The following KIF16B variants were observed in gnomAD, a reference collection of about 807,000 sequenced individuals.
The protein encoded by KIF16B is kinesin-like protein KIF16B.
In KIF16B, 98 loss-of-function variants were observed where a neutral mutation model predicts 156.3. The ratio of observed to expected loss-of-function variants is 0.63; its 90% CI spans 0.53 to 0.74. The LOEUF is 0.74. Among genes scored for constraint, KIF16B ranks in the 30% least tolerant of loss-of-function variants. The probability of loss-of-function intolerance (pLI) is 0.00; values close to 1 mark genes in which losing one functional copy is unlikely to be tolerated. For synonymous variants in KIF16B, 564 were observed against 583.7 expected, an observed-to-expected ratio of 0.97 and a Z score of 0.49; for missense variants, 1,421 against 1,606.5, an observed-to-expected ratio of 0.88 and a Z score of 1.97.
intron 25 of KIF16B, among the ~76,000 whole-genome samples, chr20:16,283,881 A>G (rs2063183924): frequency 6.6e-6 from 1 of 152,178 alleles, no homozygotes; most frequent in East Asian, 1.9e-4. Flanking sequence ...CTGTAATCAC[A>G]GGACTGGGGT....
At chr20:16,519,314 G>A (rs1012711019) in intron 3 of KIF16B, among the ~76,000 whole-genome samples, 2 of 152,022 alleles carry the variant, frequency 1.3e-5, no homozygotes, top group South Asian at 2.1e-4. Flanking sequence ...ACAGGGACTC[G>A]CTATATTGCC....
Position 16,273,194 on chromosome 20 carries a change from A to G in KIF16B, c.*59T>C, listed in dbSNP as rs1344338490. 2.7e-6 allele frequency: 4 copies of G among 1,467,166 alleles called. No individual in the cohort carries two copies. Among genetic ancestry groups the G allele is most frequent in the East Asian group, 4.5e-5 (2 of 44,012 alleles). The allele number at this position is 1,467,166 out of a possible 1,614,324, so 90.9% of individuals were successfully genotyped here. A position where few individuals can be genotyped will look rare whatever the true frequency, so the allele number is the denominator to read the frequency against. On this transcript the variant is annotated 3_prime_UTR_variant, in exon 26 of 26. Transcript: ENST00000354981. ...TCCTCGCATGGGGGAGCTGCCCTGC[A>G]TCGGAGCCCGCTTCGACGAGAAGGC...
chr20:16,404,801 C>T lies in KIF16B; in HGVS notation c.1784+12G>A, dbSNP rs751872674. 1.3e-6 allele frequency: 2 copies of T among 1,587,356 alleles called. No individual in the cohort carries two copies. The highest frequency in any genetic ancestry group is 1.1e-5 in the South Asian group (1 of 90,490). On this transcript the variant is annotated intron_variant, in intron 17 of 25. Coordinates refer to ENST00000354981, the MANE Select transcript of KIF16B (RefSeq NM_024704.5). ...GATCATCACAGGGAAGGAGATGCTG[C>T]TGTTCACTCACCCGGGGTTATACAA...
At chr20:16,381,898 C>A (rs1303945710) in intron 17 of KIF16B, 151 bp from the exon 18 acceptor site, 12 of 784,398 alleles carry the variant, frequency 1.5e-5, no homozygotes, top group Non-Finnish European at 2.4e-5. Flanking sequence ...AAAATGCATT[C>A]TTTGCTTTAG....
At chr20:16,351,423 A>G (rs1295976632) in intron 23 of KIF16B, among the ~76,000 whole-genome samples, 2 of 152,234 alleles carry the variant, frequency 1.3e-5, no homozygotes, top group Non-Finnish European at 2.9e-5. Flanking sequence ...GGCAAGCATA[A>G]TGCAGCGTAA....
intron 1 of KIF16B, among the ~76,000 whole-genome samples, chr20:16,570,914 T>C (rs191087054): frequency 6.6e-6 from 1 of 152,344 alleles, no homozygotes; most frequent in Admixed American, 6.5e-5. Flanking sequence ...TTGTGGTTTA[T>C]GTGCAAAAGA....
At chr20:16,306,795 T>C (rs1464820225) in intron 25 of KIF16B, among the ~76,000 whole-genome samples, 2 of 152,142 alleles carry the variant, frequency 1.3e-5, no homozygotes, top group Admixed American at 1.3e-4. Context: ...ATCTCTATCA[T>C]CACAGGACCA....
At chr20:16,287,360 A>C (rs1203015952) in intron 25 of KIF16B, among the ~76,000 whole-genome samples, 2 of 152,204 alleles carry the variant, frequency 1.3e-5, no homozygotes, top group African/African-American at 4.8e-5. Flanking sequence ...TAAGTTTTAA[A>C]GTAAATACTT....
chr20:16,419,635 T>G (rs916301252), intron 15 of KIF16B, among the ~76,000 whole-genome samples: 4 of 152,168 alleles, frequency 2.6e-5, no homozygotes, highest in African/African-American at 9.7e-5. Flanking sequence ...AAGAGATGAA[T>G]AGTCAATGGA....
chr20:16,362,114 T>C (rs952733172), intron 22 of KIF16B, among the ~76,000 whole-genome samples: 3 of 152,204 alleles, frequency 2.0e-5, no homozygotes, highest in Admixed American at 6.5e-5. Context: ...CAGGGAAAAG[T>C]GGATATTCTC....
In KIF16B at chr20:16,379,660, C is replaced by G; in HGVS notation, c.2342G>C (p.Arg781Pro). Reference sequence around the variant, plus strand: ...CTCTTCCACCCACTGTACCTCCCCACGCCGCAGGAGCTGGATCATCTCCTG... The same window carrying G: ...CTCTTCCACCCACTGTACCTCCCCAGGCCGCAGGAGCTGGATCATCTCCTG... ...EKQEMIQLLR[R>P]GEVQWVEEEK... The change falls in exon 19 of 26, where the codon CGT (arginine) becomes CCT (proline). Residue 781 changes from arginine to proline, a missense_variant. Physicochemically the swap from Arg to Pro is moderately radical, Grantham distance 103 (BLOSUM62 -2). Transcript: ENST00000354981. 6.2e-7 allele frequency: 1 copy of G among 1,614,172 alleles called. No homozygotes were observed. The highest frequency in any genetic ancestry group is 1.1e-5 in the South Asian group (1 of 91,078).
intron 1 of KIF16B, among the ~76,000 whole-genome samples, chr20:16,530,849 G>A (rs756939273): frequency 5.9e-5 from 9 of 151,876 alleles, no homozygotes; most frequent in African/African-American, 9.7e-5. Context: ...CTACAGGCAC[G>A]CACCACTGCA....
chr20:16,537,703 C>CTT (rs1568659703), intron 1 of KIF16B, among the ~76,000 whole-genome samples: 7 of 121,736 alleles, frequency 5.8e-5, no homozygotes, highest in African/African-American at 1.2e-4. Flanking sequence ...TTCTTTTTTT[C>CTT]GTTTTTTTTT....
At chr20:16,510,332 G>A (rs1426926383) in intron 6 of KIF16B, among the ~76,000 whole-genome samples, 1 of 152,154 alleles carries the variant, frequency 6.6e-6, no homozygotes, top group Non-Finnish European at 1.5e-5. Context: ...GGGCATACAA[G>A]GCAAAAGCTT....
chr20:16,336,307 C>T (rs144466189), intron 23 of KIF16B, among the ~76,000 whole-genome samples: 9 of 152,226 alleles, frequency 5.9e-5, no homozygotes, highest in Admixed American at 1.3e-4. Flanking sequence ...TATAGAAACA[C>T]TTTTAAAGAA....
chr20:16,417,539 C>T (rs572736640), intron 15 of KIF16B, among the ~76,000 whole-genome samples: 23 of 152,206 alleles, frequency 1.5e-4, no homozygotes, highest in African/African-American at 5.5e-4. Context: ...AATATTATTC[C>T]TCAGCACAGA....
chr20:16,451,771 A>C (rs569198646), intron 12 of KIF16B, among the ~76,000 whole-genome samples: 22 of 148,338 alleles, frequency 1.5e-4, no homozygotes, highest in Non-Finnish European at 2.9e-4. Flanking sequence ...ACTGGGGACC[A>C]AACTTTTTTT....
intron 25 of KIF16B, among the ~76,000 whole-genome samples, chr20:16,274,983 A>G (rs1392594999): frequency 6.6e-6 from 1 of 152,030 alleles, no homozygotes; most frequent in Non-Finnish European, 1.5e-5. Context: ...AAAATAACTT[A>G]GTTTCTAAAA....
chr20:16,343,686 A>G (rs140535936), intron 23 of KIF16B, among the ~76,000 whole-genome samples: 210 of 152,354 alleles, frequency 1.4e-3, no homozygotes, highest in African/African-American at 4.7e-3. Flanking sequence ...ACATGCCTGT[A>G]TATAATAGTA....
Sources: allele counts gnomAD v4.1 joint callset (sites outside exome capture counted in the v4.1 genomes callset), GRCh38; gene constraint gnomAD v4.1.1; transcripts MANE v1.5; gene names NCBI Gene and HGNC (gene_info 2026-07-23, HGNC 2026-07-21).